Variants in SH3GLB1 observed in about 807,000 individuals in gnomAD.
The protein encoded by SH3GLB1 is SH3 domain containing GRB2 like, endophilin B1.
SH3GLB1 carries 17 observed loss-of-function variants against 42.0 expected under a neutral mutation model. The observed-to-expected ratio is 0.40, with a 90% CI of 0.28 to 0.61. The LOEUF (loss-of-function observed/expected upper bound fraction) is 0.61. Among genes scored for constraint, SH3GLB1 ranks in the 20% least tolerant of loss-of-function variants. SH3GLB1 has a pLI of 0.36. For synonymous variants in SH3GLB1, 132 were observed against 146.6 expected (o/e 0.90, Z 0.72); for missense variants, 355 against 426.3 (o/e 0.83, Z 1.47).
chr1:86,726,008 C>G (rs1265468770), intron 5 of SH3GLB1, among the ~76,000 whole-genome samples: 1 of 152,058 alleles, frequency 6.6e-6, no homozygotes, highest in African/African-American at 2.4e-5. Flanking sequence ...TGAAAATGAA[C>G]ACTATAGATA....
rs1181574034 is a variant in SH3GLB1 at position 86,704,647 on chromosome 1, C to G, written c.-253C>G. On this transcript the variant is annotated 5_prime_UTR_variant, in exon 1 of 9. In the 5' UTR this introduces an upstream ATG that the reference lacks. Transcript: ENST00000370558. Reference sequence around the variant, plus strand: ...TCTCCGGCTCGCCCGCGGGGCCCATCGTCGACGTTAGCGGCCGTTCTCCGA... The same window carrying G: ...TCTCCGGCTCGCCCGCGGGGCCCATGGTCGACGTTAGCGGCCGTTCTCCGA... The G allele has an allele frequency of 2.8e-6, 1 of 354,502 alleles. No homozygotes were observed. Among genetic ancestry groups the G allele is most frequent in the Non-Finnish European group, 5.2e-6 (1 of 193,014 alleles). 22.0% of individuals were successfully genotyped at this position (354,502 alleles called of 1,614,324 possible). A position where few individuals can be genotyped will look rare whatever the true frequency, so the allele number is the denominator to read the frequency against.
intron 2 of SH3GLB1, among the ~76,000 whole-genome samples, 154 bp downstream of exon 2, chr1:86,716,019 A>G (rs1654505856): frequency 1.3e-5 from 2 of 152,168 alleles, no homozygotes; most frequent in Non-Finnish European, 2.9e-5. Flanking sequence ...GTGAAGAGGA[A>G]GTGATAAACA....
chr1:86,718,982 G>T (rs531625644), intron 2 of SH3GLB1, among the ~76,000 whole-genome samples: 1 of 152,288 alleles, frequency 6.6e-6, no homozygotes, highest in South Asian at 2.1e-4. Context: ...TTCCAAGCCT[G>T]GATTGTTCTA....
intron 4 of SH3GLB1, 38 bp downstream of exon 4, chr1:86,722,711 T>C: frequency 6.6e-7 from 1 of 1,518,800 alleles, no homozygotes; most frequent in Non-Finnish European, 8.9e-7. Flanking sequence ...AGTAAAATCA[T>C]TTAGATATAT....
chr1:86,727,091 A>G (rs1024207493), intron 5 of SH3GLB1, among the ~76,000 whole-genome samples: 1 of 151,942 alleles, frequency 6.6e-6, no homozygotes, highest in Non-Finnish European at 1.5e-5. Flanking sequence ...CTAAATGCTA[A>G]TTTTGTGCAA....
chr1:86,744,796 T>G lies in SH3GLB1; in HGVS notation c.*1561T>G, dbSNP rs1312802318. On this transcript the variant is annotated 3_prime_UTR_variant, in exon 9 of 9. Transcript: ENST00000370558. Reference sequence around the variant, plus strand: ...TGACAATTTAACTCACAGTCTAAACTTTAAAAGTAGTAGTTACCCTTTTAT... The same window carrying G: ...TGACAATTTAACTCACAGTCTAAACGTTAAAAGTAGTAGTTACCCTTTTAT... The G allele has an allele frequency of 6.6e-6, 1 of 152,248 alleles. No homozygotes were observed. The highest frequency in any genetic ancestry group is 1.5e-5 in the Non-Finnish European group (1 of 68,038). 9.4% of individuals were successfully genotyped at this position (152,248 alleles called of 1,614,324 possible). A position where few individuals can be genotyped will look rare whatever the true frequency, so the allele number is the denominator to read the frequency against.
At chr1:86,742,100 T>A in intron 7 of SH3GLB1, 108 bp from the exon 8 acceptor site, 2 of 719,328 alleles carry the variant, frequency 2.8e-6, no homozygotes, top group Non-Finnish European at 4.7e-6. Context: ...TATCTATAAA[T>A]CTTTTCCAAT....
chr1:86,729,467 A>G (rs888715354), intron 5 of SH3GLB1, among the ~76,000 whole-genome samples: 1 of 152,142 alleles, frequency 6.6e-6, no homozygotes, highest in Non-Finnish European at 1.5e-5. Flanking sequence ...CCATTGTCCT[A>G]TCTATAGGTA....
In SH3GLB1 at chr1:86,715,844, G is replaced by A; in HGVS notation, c.193G>A (p.Val65Met). 1.2e-6 allele frequency: 2 copies of A among 1,610,650 alleles called. No individual in the cohort carries two copies. Among genetic ancestry groups the A allele is most frequent in the South Asian group, 2.2e-5 (2 of 89,946 alleles). Reference protein sequence around the residue: ...WTEKIMKQTEVLLQPNPNARI... With the variant: ...WTEKIMKQTEMLLQPNPNARI... Reference sequence around the variant, plus strand: ...AGAAAAAATAATGAAACAAACTGAAGTGTTATTGCAGCCAAATCCAAGTAA... The same window carrying A: ...AGAAAAAATAATGAAACAAACTGAAATGTTATTGCAGCCAAATCCAAGTAA... The change falls in exon 2 of 9, where the codon GTG becomes ATG. Residue 65 changes from valine (V) to methionine (M), a missense_variant. Transcript: ENST00000370558.
chr1:86,743,268 A>G lies in SH3GLB1; in HGVS notation c.*33A>G. The G allele has an allele frequency of 4.1e-6, 6 of 1,465,282 alleles. No individual in the cohort carries two copies. Among genetic ancestry groups the G allele is most frequent in the Non-Finnish European group, 5.6e-6 (6 of 1,070,352 alleles). The allele number at this position is 1,465,282 out of a possible 1,614,324, so 90.8% of individuals were successfully genotyped here. On this transcript the variant is annotated 3_prime_UTR_variant, in exon 9 of 9. Coordinates refer to ENST00000370558, the MANE Select transcript of SH3GLB1 (RefSeq NM_016009.5). ...GACTATGGAAAGGTTGCCCATCATG[A>G]CTTTGTATTTATATACAATTAACTC... is the stretch of plus-strand genomic sequence containing the variant.
chr1:86,737,946 C>T (rs896523951), intron 7 of SH3GLB1, among the ~76,000 whole-genome samples: 9 of 152,074 alleles, frequency 5.9e-5, no homozygotes, highest in South Asian at 2.1e-4. Context: ...TGGCTAGAGA[C>T]GAGTAGAGGA....
chr1:86,734,945 C>A, intron 6 of SH3GLB1, 134 bp from the exon 7 acceptor site: 1 of 690,152 alleles, frequency 1.4e-6, no homozygotes, highest in Non-Finnish European at 2.5e-6. Flanking sequence ...GAAGGCCAAT[C>A]TTAATAAGCC....
chr1:86,718,306 A>G (rs1410708959), intron 2 of SH3GLB1, among the ~76,000 whole-genome samples: 2 of 152,072 alleles, frequency 1.3e-5, no homozygotes, highest in African/African-American at 2.4e-5. Context: ...TTGGCCTCCC[A>G]AAGTGCTGGG....
chr1:86,715,070 C>T (rs1654429973), intron 1 of SH3GLB1, among the ~76,000 whole-genome samples: 1 of 152,120 alleles, frequency 6.6e-6, no homozygotes, highest in South Asian at 2.1e-4. Context: ...AACATATCCT[C>T]AGCAGCTTAA....
intron 5 of SH3GLB1, among the ~76,000 whole-genome samples, chr1:86,727,983 C>G (rs1655286087): frequency 6.6e-6 from 1 of 151,876 alleles, no homozygotes; most frequent in African/African-American, 2.4e-5. Context: ...TCAGAGTATG[C>G]CAAGACCTGG....
At chr1:86,724,148 T>TGGG in intron 4 of SH3GLB1, among the ~76,000 whole-genome samples, 165 bp from the exon 5 acceptor site, 1 of 133,040 alleles carries the variant, frequency 7.5e-6, no homozygotes, top group African/African-American at 2.5e-5. Context: ...AACAAGGGGG[T>TGGG]GGGGGGGGGC....
At chr1:86,741,233 A>G (rs1656046751) in intron 7 of SH3GLB1, among the ~76,000 whole-genome samples, 1 of 152,198 alleles carries the variant, frequency 6.6e-6, no homozygotes, top group Non-Finnish European at 1.5e-5. Context: ...AATTTTGCTG[A>G]TGACTGAAAT....
At chr1:86,731,476 T>TA (rs1392372415) in intron 5 of SH3GLB1, among the ~76,000 whole-genome samples, 1 of 152,188 alleles carries the variant, frequency 6.6e-6, no homozygotes, top group African/African-American at 2.4e-5. Flanking sequence ...TCAGTTTAGT[T>TA]ACGGTTCCAC....
chr1:86,708,514 A>G lies in SH3GLB1; in HGVS notation c.72+3543A>G, dbSNP rs139304670. Among the ~76,000 whole-genome samples, 12 of 152,328 alleles carry G rather than the reference A, an allele frequency of 7.9e-5. 1 individual carries two copies. In the East Asian group the frequency reaches 2.3e-3, roughly 29 times the overall value. On this transcript the variant is annotated intron_variant, in intron 1 of 8. Coordinates refer to ENST00000370558, the MANE Select transcript of SH3GLB1 (RefSeq NM_016009.5). Reference sequence around the variant, plus strand: ...AAAAAAGGTCAGCTCAAACTAGTAAAGCACATAGATGCGTCCCATCACCAC... The same window carrying G: ...AAAAAAGGTCAGCTCAAACTAGTAAGGCACATAGATGCGTCCCATCACCAC...
Sources: allele counts gnomAD v4.1 joint callset (sites outside exome capture counted in the v4.1 genomes callset), GRCh38; gene constraint gnomAD v4.1.1; transcripts MANE v1.5; gene names NCBI Gene and HGNC (gene_info 2026-07-23, HGNC 2026-07-21).